Variants in HDAC9 observed in about 807,000 individuals in gnomAD.
The protein encoded by HDAC9 is MEF-2 interacting transcription repressor (MITR) protein.
In HDAC9, 41 loss-of-function variants were observed where a neutral mutation model predicts 139.4. The observed-to-expected ratio is 0.29, with a 90% CI of 0.23 to 0.38. The LOEUF is 0.38. HDAC9 is among the 10% of genes least tolerant of loss of function. HDAC9 has a pLI of 1.00. For missense variants in HDAC9, 1,147 were observed against 1,297.0 expected (o/e 0.88, Z 1.78); for synonymous variants, 517 against 476.2 (o/e 1.09, Z -1.12).
At chr7:18,849,656 A>G (rs1246378590) in intron 21 of HDAC9, among the ~76,000 whole-genome samples, 1 of 152,208 alleles carries the variant, frequency 6.6e-6, no homozygotes, top group Non-Finnish European at 1.5e-5. Flanking sequence ...GTCGACTTAC[A>G]AACTTTTAAG....
chr7:18,423,157 A>G (rs550740725), intron 1 of HDAC9, among the ~76,000 whole-genome samples: 1 of 152,326 alleles, frequency 6.6e-6, no homozygotes, highest in African/African-American at 2.4e-5. Context: ...CAGAACAGGT[A>G]TCTTTTGTTT....
At chr7:18,824,281 G>A in intron 17 of HDAC9, among the ~76,000 whole-genome samples, 1 of 152,182 alleles carries the variant, frequency 6.6e-6, no homozygotes, top group Non-Finnish European at 1.5e-5. Flanking sequence ...AGAGAGGCAT[G>A]TCTGTGTGCA....
At chr7:18,458,919 C>T (rs1449716345) in intron 1 of HDAC9, 1 of 1,519,674 alleles carries the variant, frequency 6.6e-7, no homozygotes, top group Non-Finnish European at 8.8e-7. Context: ...CAGACCTTAT[C>T]CTTTTTCTTT....
intron 13 of HDAC9, among the ~76,000 whole-genome samples, chr7:18,730,775 G>A (rs1385991210): frequency 6.6e-6 from 1 of 152,112 alleles, no homozygotes; most frequent in Non-Finnish European, 1.5e-5. Flanking sequence ...TCTTACTGTA[G>A]AGCTTAGCAA....
intron 24 of HDAC9, among the ~76,000 whole-genome samples, chr7:18,974,933 A>G (rs1034921985): frequency 6.6e-6 from 1 of 152,182 alleles, no homozygotes; most frequent in African/African-American, 2.4e-5. Context: ...GTAAGCAAAC[A>G]CTGCATACCA....
chr7:18,631,096 T>C (rs1360376186), intron 7 of HDAC9, among the ~76,000 whole-genome samples: 1 of 152,160 alleles, frequency 6.6e-6, no homozygotes, highest in African/African-American at 2.4e-5. Flanking sequence ...AGTCACTTTT[T>C]CTTCCGTACC....
chr7:18,165,618 C>G (rs1787953984), intron 2 of HDAC9, among the ~76,000 whole-genome samples: 1 of 151,936 alleles, frequency 6.6e-6, no homozygotes, highest in East Asian at 1.9e-4. Context: ...GAGATCCTAT[C>G]TCTACAAAAA....
chr7:18,980,643 C>T (rs1407670658), intron 25 of HDAC9, among the ~76,000 whole-genome samples: 2 of 151,558 alleles, frequency 1.3e-5, no homozygotes, highest in South Asian at 2.1e-4. Flanking sequence ...TCTTCTTCCT[C>T]GATTTGTTAC....
intron 2 of HDAC9, among the ~76,000 whole-genome samples, chr7:18,204,788 A>T (rs990415621): frequency 1.2e-4 from 18 of 152,012 alleles, no homozygotes; most frequent in Admixed American, 1.2e-3. Flanking sequence ...TAACATACAA[A>T]TCAACATTTT....
intron 1 of HDAC9, among the ~76,000 whole-genome samples, chr7:18,300,105 G>A (rs1017801219): frequency 1.3e-5 from 2 of 152,090 alleles, no homozygotes; most frequent in Admixed American, 6.5e-5. Flanking sequence ...TGTGGCCTGC[G>A]GGCCATGTGC....
At position 18,168,897 on chromosome 7, in the gene HDAC9, T is replaced by TGTG. The variant is rs1554318207; in HGVS notation, c.25+6548_25+6549insGTG. Among the ~76,000 whole-genome samples the TGTG allele has an allele frequency of 1.0e-3, 99 of 94,336 alleles. 1 individual carries two copies. Among genetic ancestry groups the TGTG allele is most frequent in the East Asian group, 4.5e-3 (15 of 3,358 alleles). The allele number at this position is 94,336 out of a possible 152,430, so 61.9% of individuals were successfully genotyped here. A position where few individuals can be genotyped will look rare whatever the true frequency, so the allele number is the denominator to read the frequency against. On this transcript the variant is annotated intron_variant, in intron 2 of 12. Coordinates refer to the HDAC9 transcript ENST00000417496. Reference sequence around the variant, plus strand: ...ATGTCTTGTTTTTTTTTTTTTTTTTTTGTGTGTGTGTGTGTGTGTGTGTGT... The same window carrying TGTG: ...ATGTCTTGTTTTTTTTTTTTTTTTTTGTGTGTGTGTGTGTGTGTGTGTGTGTGT...
At chr7:18,918,688 T>C (rs1423987477) in intron 22 of HDAC9, among the ~76,000 whole-genome samples, 2 of 152,064 alleles carry the variant, frequency 1.3e-5, no homozygotes, top group Non-Finnish European at 2.9e-5. Flanking sequence ...CGCATAGCTC[T>C]ACAAATTGTG....
chr7:18,401,690 C>CA (rs540680774), intron 1 of HDAC9, among the ~76,000 whole-genome samples: 158 of 152,116 alleles, frequency 1.0e-3, no homozygotes, highest in African/African-American at 3.3e-3. Context: ...CATGAGCTTT[C>CA]AAAAAAACCC....
intron 2 of HDAC9, among the ~76,000 whole-genome samples, chr7:18,561,621 T>C (rs534821916): frequency 2.0e-5 from 3 of 150,744 alleles, no homozygotes; most frequent in South Asian, 4.2e-4. Flanking sequence ...CCAGCCATAA[T>C]TAATCACTAA....
chr7:18,491,726 T>C (rs1044771077), upstream of HDAC9, among the ~76,000 whole-genome samples: 3 of 152,034 alleles, frequency 2.0e-5, no homozygotes, highest in Non-Finnish European at 4.4e-5. Flanking sequence ...AAATTTCTGA[T>C]GTCCAAGGCA....
chr7:18,255,626 CTTTTTTTTTTTT>C (rs11386457), intron 2 of HDAC9, among the ~76,000 whole-genome samples: 1 of 113,610 alleles, frequency 8.8e-6, no homozygotes, highest in Non-Finnish European at 1.7e-5. Context: ...TTTTTCTTTC[CTTTTTTTTTTTT>C]TTTTTTTGGA....
Position 18,886,368 on chromosome 7 carries a change from T to C in HDAC9, c.2803+11772T>C, listed in dbSNP as rs545258357. 3.7e-4 allele frequency among the ~76,000 whole-genome samples: 56 copies of C among 152,354 alleles called. 1 individual carries two copies. The South Asian group carries it at 9.5e-3, about 26-fold the overall frequency. Reference sequence around the variant, plus strand: ...CATAACAGGCCATTTCAACATTGCTTATGAAAAGAAAATATGTAAGCAGAG... The same window carrying C: ...CATAACAGGCCATTTCAACATTGCTCATGAAAAGAAAATATGTAAGCAGAG... On this transcript the variant is annotated intron_variant, in intron 22 of 25. Coordinates refer to ENST00000686413, the MANE Select transcript of HDAC9 (RefSeq NM_178425.4).
At chr7:18,934,748 A>G (rs1781501623) in intron 22 of HDAC9, among the ~76,000 whole-genome samples, 1 of 152,210 alleles carries the variant, frequency 6.6e-6, no homozygotes, top group Non-Finnish European at 1.5e-5. Flanking sequence ...GCTTGGTAAT[A>G]GCCCTTTGGA....
chr7:18,319,749 G>A (rs946081980), intron 1 of HDAC9, among the ~76,000 whole-genome samples: 1 of 147,296 alleles, frequency 6.8e-6, no homozygotes, highest in Non-Finnish European at 1.5e-5. Flanking sequence ...TCTACAGCTA[G>A]GCTTAAATAT....
Sources: allele counts gnomAD v4.1 joint callset (sites outside exome capture counted in the v4.1 genomes callset), GRCh38; gene constraint gnomAD v4.1.1; transcripts MANE v1.5; gene names NCBI Gene and HGNC (gene_info 2026-07-23, HGNC 2026-07-21).